Variants in ALG3 observed in about 807,000 individuals in gnomAD.
The protein encoded by ALG3 is ALG3 alpha-1,3- mannosyltransferase, also known as dol-P-Man:Man(5)GlcNAc(2)-PP-Dol alpha-1,3-mannosyltransferase.
ALG3 carries 39 observed loss-of-function variants against 50.5 expected under a neutral mutation model. That is an observed-to-expected ratio of 0.77 (90% confidence interval 0.60 to 1.01). The LOEUF is 1.01. Among genes scored for constraint, ALG3 ranks in the 50% least tolerant of loss-of-function variants. The pLI is 0.00. For missense variants in ALG3, 520 were observed against 554.8 expected (o/e 0.94, Z 0.63); for synonymous variants, 252 against 237.2 (o/e 1.06, Z -0.58).
chr3:184,245,551 T>G lies in ALG3; in HGVS notation c.361A>C (p.Ile121Leu), dbSNP rs1174290119. 1 of 1,613,974 alleles carries G rather than the reference T, an allele frequency of 6.2e-7. No individual in the cohort carries two copies. Among genetic ancestry groups the G allele is most frequent in the Non-Finnish European group, 8.5e-7 (1 of 1,179,872 alleles). The change falls in exon 3 of 9, where the codon ATC (isoleucine) becomes CTC (leucine). Residue 121 changes from isoleucine to leucine, a missense_variant. By Grantham distance (5) the Ile-to-Leu change is conservative. Around this residue, in one of 3 missense-constraint regions of ALG3, gnomAD observed 290 missense variants for 265.9 expected, o/e 1.09. Transcript: ENST00000397676. ...LYYATSRGTD[I>L]RMAQNIFAVL... ...GCAAAGATGTTCTGGGCCATGCGGA[T>G]GTCAGTGCCTCGGCTGGTGGCATAG...
intron 1 of ALG3, among the ~76,000 whole-genome samples, chr3:184,246,450 G>A (rs774611789): frequency 6.6e-6 from 1 of 152,170 alleles, no homozygotes; most frequent in Non-Finnish European, 1.5e-5. Context: ...GAATTAATTA[G>A]GTTAAGTGAC....
At chr3:184,242,728 C>CA (rs1455358794) in intron 8 of ALG3, 52 bp from the exon 9 acceptor site, 1 of 1,582,202 alleles carries the variant, frequency 6.3e-7, no homozygotes, top group Non-Finnish European at 8.6e-7. Flanking sequence ...GGCCTGCAGA[C>CA]CTGCAGCTCC....
intron 5 of ALG3, 24 bp downstream of exon 5, chr3:184,244,577 A>G (rs571939702): frequency 6.2e-7 from 1 of 1,602,010 alleles, no homozygotes. Context: ...TTGATTAGAA[A>G]GAGGAAGGGT....
chr3:184,245,770 C>T lies in ALG3; in HGVS notation c.239G>A (p.Gly80Asp), dbSNP rs1560164814. Residue 80 changes from glycine (G) to aspartate (D), a missense_variant, in exon 2 of 9, where the codon GGC becomes GAC. Physicochemically the swap from Gly to Asp is moderately conservative, Grantham distance 94 (BLOSUM62 -1). This residue lies in a region of ALG3 where 290 missense variants were observed against 265.9 expected (regional missense o/e 1.09). Transcript: ENST00000397676. ...DWKAYMAEVE[G>D]VINGTYDYTQ... ...ATAGTCATAGGTACCATTGATGACG[C>T]CTTCTACCTCGGCCATGTAGGCCTT... The T allele has an allele frequency of 6.2e-7, 1 of 1,613,926 alleles. No homozygotes were observed. Among genetic ancestry groups the T allele is most frequent in the Non-Finnish European group, 8.5e-7 (1 of 1,179,862 alleles).
rs780450529 is a variant in ALG3, at chr3:184,242,815, G to A, written c.1152C>T (p.Leu384=). The change falls in exon 8 of 9, where the codon CTC becomes CTT. Residue 384 remains leucine (L), a splice_region_variant and synonymous_variant. Transcript: ENST00000397676. ...CCCCAGGTTGTCCCAGCTGGTACCT[G>A]AGCAGGTGTGTGAGCCAGCGTGCAG... The part of the protein sequence containing the change: ...AMPARWLTHL[L]RLLVLGLIEL... 2.5e-6 allele frequency: 4 copies of A among 1,613,874 alleles called. No homozygotes were observed. The South Asian group carries it at 3.3e-5, about 13-fold the overall frequency.
In ALG3 at chr3:184,244,642, G is replaced by A. The variant is rs537211234; in HGVS notation, c.685C>T (p.Arg229Cys). ...ATTCCCAGCTTGGGGAGGGCCCCAC[G>A]GAAGCCAAACTGTGTGAGGAGAAGA... ...LFLLLTQFGF[R>C]GALPKLGICA... The change falls in exon 5 of 9, where the codon CGT (arginine) becomes TGT (cysteine). Residue 229 changes from arginine (R) to cysteine (C), a missense_variant. By Grantham distance (180) the Arg-to-Cys change is radical (BLOSUM62 -3). Around this residue, in one of 3 missense-constraint regions of ALG3, gnomAD observed 224 missense variants for 272.8 expected, o/e 0.82. Coordinates refer to ENST00000397676, the MANE Select transcript of ALG3 (RefSeq NM_005787.6). 85 of 1,610,718 alleles carry A rather than the reference G, an allele frequency of 5.3e-5. No individual in the cohort carries two copies. The Middle Eastern group carries it at 1.2e-3, about 22-fold the overall frequency.
Position 184,245,605 on chromosome 3 carries a change from C to G in ALG3, c.307G>C (p.Gly103Arg). The change falls in exon 3 of 9, where the codon GGT becomes CGT. Residue 103 changes from glycine (G) to arginine (R), a missense_variant. Gly to Arg is a moderately radical substitution (Grantham distance 125). Coordinates refer to ENST00000397676, the MANE Select transcript of ALG3 (RefSeq NM_005787.6). ...AACCCCATAAAGATGTACACGAAAC[C>G]AGCTGGGTACCTGGAAGATGAGAGA... ...GDTGPLVYPA[G>R]FVYIFMGLYY... 1 of 1,613,110 alleles carries G rather than the reference C, an allele frequency of 6.2e-7. No homozygotes were observed. The highest frequency in any genetic ancestry group is 8.5e-7 in the Non-Finnish European group (1 of 1,179,488).
intron 6 of ALG3, 75 bp downstream of exon 6, chr3:184,243,716 C>T: frequency 5.0e-6 from 8 of 1,592,746 alleles, no homozygotes; most frequent in South Asian, 1.1e-5. Flanking sequence ...TGACACTTCC[C>T]CCAAGCAGCC....
chr3:184,249,015 G>A, upstream of ALG3: 1 of 1,537,822 alleles, frequency 6.5e-7, no homozygotes, highest in South Asian at 1.2e-5. Context: ...TCCGCTTCCC[G>A]TGCCTGGCGT....
chr3:184,242,979 G>A, intron 7 of ALG3, 22 bp from the exon 8 acceptor site: 17 of 1,611,786 alleles, frequency 1.1e-5, no homozygotes, highest in Non-Finnish European at 1.4e-5. Context: ...TCAAGGCCAA[G>A]GGCAGGAGTG....
intron 7 of ALG3, 145 bp from the exon 8 acceptor site, chr3:184,243,102 G>A: frequency 9.0e-7 from 1 of 1,116,352 alleles, no homozygotes; most frequent in Admixed American, 2.2e-5. Context: ...AACCTCTCTG[G>A]ACCTGCTCCT....
At position 184,245,323 on chromosome 3, in the gene ALG3, G is replaced by A. The variant is rs1719071693; in HGVS notation, c.480C>T (p.Ala160=). 5 of 1,613,234 alleles carry A rather than the reference G, an allele frequency of 3.1e-6. No individual in the cohort carries two copies. The highest frequency in any genetic ancestry group is 3.4e-6 in the Non-Finnish European group (4 of 1,179,534). ...CAAAGATGGAGTGGACACGGTAAGA[G>A]GCGCAGCACATGAAGAAAAAGACGA... ...PPFVFFFMCC[A]SYRVHSIFVL... The change falls in exon 4 of 9, where the codon GCC becomes GCT. Residue 160 remains alanine, a synonymous_variant. Coordinates refer to ENST00000397676, the MANE Select transcript of ALG3 (RefSeq NM_005787.6).
chr3:184,244,146 C>T (rs920897856), intron 5 of ALG3, 150 bp from the exon 6 acceptor site: 6 of 803,224 alleles, frequency 7.5e-6, no homozygotes, highest in South Asian at 3.7e-5. Context: ...ACGTTCCCCA[C>T]CCCCCGGCCC....
upstream of ALG3, chr3:184,249,305 G>A (rs770751163): frequency 8.1e-6 from 13 of 1,602,932 alleles, no homozygotes; most frequent in South Asian, 1.5e-4. Context: ...CTCCAGGAGG[G>A]CAAAGCCCCT....
chr3:184,245,899 A>T, intron 1 of ALG3, 87 bp from the exon 2 acceptor site: 2 of 1,015,738 alleles, frequency 2.0e-6, no homozygotes, highest in Non-Finnish European at 3.0e-6. Context: ...CAAAACACAG[A>T]CTTTCAGCCA....
intron 5 of ALG3, 149 bp from the exon 6 acceptor site, chr3:184,244,145 AC>A: frequency 1.1e-5 from 9 of 815,760 alleles, no homozygotes; most frequent in Admixed American, 2.8e-5. Flanking sequence ...CACGTTCCCC[AC>A]CCCCCGGCCC....
Position 184,243,859 on chromosome 3 carries a change from G to A in ALG3, c.864C>T (p.Ala288=). The part of the protein sequence containing the change: ...FLPEALFLHR[A]FHLALLTAHL... ...GGGCAGTCAACAGGGCCAGGTGGAA[G>A]GCTCGATGCAGGAAGAGCGCCTCTG... Residue 288 remains alanine (A), a synonymous_variant, in exon 6 of 9, where the codon GCC becomes GCT. Transcript: ENST00000397676. The A allele has an allele frequency of 1.9e-6, 3 of 1,614,040 alleles. No homozygotes were observed. Among genetic ancestry groups the A allele is most frequent in the African/African-American group, 1.3e-5 (1 of 75,056 alleles).
chr3:184,245,599 C>T lies in ALG3; in HGVS notation c.313G>A (p.Val105Met), dbSNP rs1382984398. 10 of 1,613,060 alleles carry T rather than the reference C, an allele frequency of 6.2e-6. No individual in the cohort carries two copies. Among genetic ancestry groups the T allele is most frequent in the Middle Eastern group, 1.6e-4 (1 of 6,082 alleles). Residue 105 changes from valine to methionine, a missense_variant, in exon 3 of 9, where the codon GTG (valine) becomes ATG (methionine). This residue lies in a region of ALG3 where 290 missense variants were observed against 265.9 expected (regional missense o/e 1.09). Transcript: ENST00000397676. ...TGPLVYPAGF[V>M]YIFMGLYYAT... ...TAGTACAACCCCATAAAGATGTACA[C>T]GAAACCAGCTGGGTACCTGGAAGAT...
chr3:184,244,855 C>T, intron 4 of ALG3, 134 bp from the exon 5 acceptor site: 2 of 1,284,258 alleles, frequency 1.6e-6, no homozygotes, highest in South Asian at 1.4e-5. Flanking sequence ...AAGATGGGAC[C>T]TACACTCACA....
Sources: allele counts gnomAD v4.1 joint callset (sites outside exome capture counted in the v4.1 genomes callset), GRCh38; gene constraint gnomAD v4.1.1; regional missense constraint gnomAD v4.1.1; transcripts MANE v1.5; gene names NCBI Gene and HGNC (gene_info 2026-07-23, HGNC 2026-07-21).